NUP98: variants seen among roughly 807,000 people sequenced by gnomAD.
NUP98 encodes the protein nuclear pore complex protein Nup98-Nup96.
NUP98 carries 26 observed loss-of-function variants against 191.9 expected under a neutral mutation model. That is an observed-to-expected ratio of 0.14 (90% CI 0.10 to 0.19). The LOEUF (loss-of-function observed/expected upper bound fraction) is 0.19, where lower values mean the gene tolerates loss of function less well. Among genes scored for constraint, NUP98 ranks in the 10% least tolerant of loss-of-function variants. The pLI is 1.00. For synonymous variants in NUP98, 808 were observed against 778.4 expected (o/e 1.04, Z -0.63); for missense variants, 1,941 against 2,178.8 (o/e 0.89, Z 2.17).
chr11:3,714,005 ATAACCAATTAAAG>A lies in NUP98; in HGVS notation c.2400-23_2400-11del, dbSNP rs759284083. 79 of 1,613,294 alleles carry A rather than the reference ATAACCAATTAAAG, an allele frequency of 4.9e-5. No individual in the cohort carries two copies. Among genetic ancestry groups the A allele is most frequent in the Middle Eastern group, 1.6e-4 (1 of 6,080 alleles). On this transcript the variant is annotated splice_polypyrimidine_tract_variant and intron_variant, in intron 18 of 32. Transcript: ENST00000324932. Reference sequence around the variant, plus strand: ...TGTAACTTCAGCCTTCCTGTAAAACATAACCAATTAAAGTAACCAATTAAAGTAAAAGCGCTTC... The same window carrying A: ...TGTAACTTCAGCCTTCCTGTAAAACATAACCAATTAAAGTAAAAGCGCTTC...
chr11:3,684,083 G>A (rs2078063660), intron 29 of NUP98, among the ~76,000 whole-genome samples: 1 of 151,898 alleles, frequency 6.6e-6, no homozygotes, highest in African/African-American at 2.4e-5. Context: ...GTGGTGGCAG[G>A]CGTCTGTAAT....
At chr11:3,692,543 C>T (rs2078350322) in intron 27 of NUP98, among the ~76,000 whole-genome samples, 1 of 151,488 alleles carries the variant, frequency 6.6e-6, no homozygotes, top group South Asian at 2.1e-4. Flanking sequence ...TGCAGTGAGC[C>T]GAGATCGCGC....
intron 8 of NUP98, among the ~76,000 whole-genome samples, chr11:3,767,857 A>G (rs2081389592): frequency 6.6e-6 from 1 of 151,808 alleles, no homozygotes; most frequent in Non-Finnish European, 1.5e-5. Flanking sequence ...ATGATTCCCA[A>G]GGGAACTAGG....
At chr11:3,741,475 A>G (rs2080284597) in intron 12 of NUP98, among the ~76,000 whole-genome samples, 1 of 152,012 alleles carries the variant, frequency 6.6e-6, no homozygotes, top group African/African-American at 2.4e-5. Context: ...TACAAAAATT[A>G]GCTGGGCGTG....
At chr11:3,791,433 C>T (rs536404676) in intron 1 of NUP98, among the ~76,000 whole-genome samples, 4 of 144,908 alleles carry the variant, frequency 2.8e-5, no homozygotes, top group East Asian at 2.1e-4. Flanking sequence ...ACTTGGGAGG[C>T]GGAGACAGGA....
chr11:3,677,623 C>A (rs1341389742), intron 31 of NUP98, among the ~76,000 whole-genome samples: 1 of 152,018 alleles, frequency 6.6e-6, no homozygotes, highest in South Asian at 2.1e-4. Context: ...GTATCTCCCC[C>A]ACAAAATCAT....
chr11:3,688,820 C>CATATACATATATATGTATAT (rs1388681065), intron 28 of NUP98, among the ~76,000 whole-genome samples: 1 of 136,278 alleles, frequency 7.3e-6, no homozygotes, highest in African/African-American at 2.8e-5. Flanking sequence ...TTTAAATATA[C>CATATACATATATATGTATAT]ATATATATAT....
intron 27 of NUP98, chr11:3,692,992 T>A: frequency 7.3e-6 from 3 of 411,854 alleles, no homozygotes; most frequent in Non-Finnish European, 1.3e-5. Context: ...CCCAAAGAAG[T>A]AAGACAGCAT....
intron 12 of NUP98, among the ~76,000 whole-genome samples, chr11:3,740,633 G>A (rs2080247651): frequency 6.6e-6 from 1 of 151,828 alleles, no homozygotes; most frequent in South Asian, 2.1e-4. Flanking sequence ...ACATAAAAAG[G>A]AGAAGGGCAA....
Position 3,679,555 on chromosome 11 carries a change from T to G in NUP98, c.5072A>C (p.Gln1691Pro). The change falls in exon 31 of 33, where the codon CAG (glutamine) becomes CCG (proline). Residue 1691 changes from glutamine to proline, a missense_variant and splice_region_variant. Gln to Pro is a moderately conservative substitution (Grantham distance 76). Around this residue, in one of 6 missense-constraint regions of NUP98, gnomAD observed 1,030 missense variants for 1,115.8 expected, o/e 0.92. Coordinates refer to ENST00000324932, the MANE Select transcript of NUP98 (RefSeq NM_016320.5). Reference protein sequence around the residue: ...RVIEMLRHIQQVDCSGNDLEQ... With the variant: ...RVIEMLRHIQPVDCSGNDLEQ... ...CAGCAGTTTCAGGATCTCAGGTACCTGCTGTATATGGCGGAGCATTTCAAT... is the reference window on the plus strand; with the variant it reads ...CAGCAGTTTCAGGATCTCAGGTACCGGCTGTATATGGCGGAGCATTTCAAT... 6.2e-7 allele frequency: 1 copy of G among 1,614,158 alleles called. No individual in the cohort carries two copies. Among genetic ancestry groups the G allele is most frequent in the Non-Finnish European group, 8.5e-7 (1 of 1,180,004 alleles).
At chr11:3,781,950 ATAAAATTC>A in intron 2 of NUP98, 84 bp downstream of exon 2, 1 of 724,614 alleles carries the variant, frequency 1.4e-6, no homozygotes, top group Non-Finnish European at 2.2e-6. Flanking sequence ...GAAAGTAAAA[ATAAAATTC>A]CCACCTAAAG....
chr11:3,780,541 C>CAAAAAAAAA (rs142060672), intron 2 of NUP98, among the ~76,000 whole-genome samples: 6 of 74,790 alleles, frequency 8.0e-5, no homozygotes, highest in East Asian at 3.6e-4. Flanking sequence ...GACTCCATCT[C>CAAAAAAAAA]AAAAAAAAAA....
rs750532884 is a variant in NUP98 at position 3,679,687 on chromosome 11, T to C, written c.4940A>G (p.Tyr1647Cys). The change falls in exon 31 of 33, where the codon TAT becomes TGT. Residue 1647 changes from tyrosine (Y) to cysteine (C), a missense_variant. Tyr to Cys is a radical substitution (Grantham distance 194, BLOSUM62 -2). Transcript: ENST00000324932. The part of the protein sequence containing the change: ...LASDAIINEN[Y>C]DYLKGFLEDL... ...TTCCAAGAACCCCTTCAGGTAGTCA[T>C]AGTTCTCATTAATGATGGCATCTGA... 27 of 1,613,892 alleles carry C rather than the reference T, an allele frequency of 1.7e-5. 1 individual carries two copies. The highest frequency in any genetic ancestry group is 6.6e-5 in the South Asian group (6 of 91,040).
At chr11:3,690,250 G>A (rs989102750) in intron 28 of NUP98, among the ~76,000 whole-genome samples, 6 of 150,642 alleles carry the variant, frequency 4.0e-5, no homozygotes, top group African/African-American at 9.7e-5. Context: ...ACCGCGCCTG[G>A]CTGTCTGCAT....
At chr11:3,786,521 AC>A (rs1227007665) in intron 1 of NUP98, among the ~76,000 whole-genome samples, 2 of 152,184 alleles carry the variant, frequency 1.3e-5, no homozygotes, top group Non-Finnish European at 2.9e-5. Context: ...TAGAAAAGAA[AC>A]CTTTAACTTT....
rs981215987 is a variant in NUP98, at chr11:3,675,720, G to C, written c.*439C>G. The C allele has an allele frequency of 3.8e-6, 1 of 262,878 alleles. No individual in the cohort carries two copies. The highest frequency in any genetic ancestry group is 7.4e-6 in the Non-Finnish European group (1 of 134,844). The allele number at this position is 262,878 out of a possible 1,614,324, so 16.3% of individuals were successfully genotyped here. ...CGGATCCCTCTTCCTTCTGTGGATA[G>C]TTCATCTGTTAAGGATCCATTATCA... On this transcript the variant is annotated 3_prime_UTR_variant, in exon 33 of 33. Transcript: ENST00000324932.
intron 19 of NUP98, 107 bp from the exon 20 acceptor site, chr11:3,712,835 G>T: frequency 8.4e-7 from 1 of 1,194,274 alleles, no homozygotes; most frequent in Non-Finnish European, 1.2e-6. Context: ...GAAAAGGGGA[G>T]AAATATCTAA....
At chr11:3,727,300 C>CA (rs2079656794) in intron 14 of NUP98, among the ~76,000 whole-genome samples, 1 of 151,722 alleles carries the variant, frequency 6.6e-6, no homozygotes, top group East Asian at 1.9e-4. Context: ...AAAACAAAAA[C>CA]AAAAACAAAA....
intron 11 of NUP98, among the ~76,000 whole-genome samples, chr11:3,749,455 T>A (rs1180783081): frequency 6.6e-6 from 1 of 152,070 alleles, no homozygotes; most frequent in Non-Finnish European, 1.5e-5. Flanking sequence ...TGAAACCCCA[T>A]CTCTAACTAA....
Sources: gnomAD v4.1 joint callset for allele counts (sites outside exome capture counted in the v4.1 genomes callset) on GRCh38, gnomAD v4.1.1 for gene constraint, gnomAD v4.1.1 regional missense constraint, MANE v1.5 for transcripts, NCBI Gene and HGNC (gene_info 2026-07-23, HGNC 2026-07-21) for gene names.